MYO18B: variants seen among roughly 807,000 people sequenced by gnomAD.
The protein encoded by MYO18B is myosin XVIIIB.
MYO18B carries 204 observed loss-of-function variants against 273.0 expected under a neutral mutation model. The ratio of observed to expected loss-of-function variants is 0.75; its 90% CI spans 0.67 to 0.84. The LOEUF is 0.84. Ranked by LOEUF, MYO18B falls within the 40% of genes least tolerant of loss-of-function variation. The pLI is 0.00. For synonymous variants in MYO18B, 1,330 were observed against 1,305.7 expected, an observed-to-expected ratio of 1.02 and a Z score of -0.40; for missense variants, 3,212 against 3,287.6, an observed-to-expected ratio of 0.98 and a Z score of 0.56.
the MYO18B span, among the ~76,000 whole-genome samples, chr22:26,045,053 T>G: frequency 6.6e-6 from 1 of 151,780 alleles, no homozygotes; most frequent in African/African-American, 2.4e-5. Flanking sequence ...GTGACTGTTT[T>G]TTTTTGTTTT....
At chr22:25,770,225 C>A in intron 5 of MYO18B, 49 bp downstream of exon 5, 1 of 1,562,870 alleles carries the variant, frequency 6.4e-7, no homozygotes, top group Non-Finnish European at 8.8e-7. Context: ...TTCTCCTGTG[C>A]CCCCTACTGC....
chr22:26,026,867 A>AGG lies in MYO18B; in HGVS notation c.6895_6896dup (p.Asn2300GlufsTer5), dbSNP rs1177091005. On this transcript the variant is annotated frameshift_variant, in exon 43 of 44. Coordinates refer to ENST00000335473, the MANE Select transcript of MYO18B (RefSeq NM_032608.7). LOFTEE classifies it high-confidence loss of function. ...AGGAGGGGCAGGGCTGGCAGTGACG[A>AGG]GGGAAACCTCTCGCTGAGGGTTGGG... 1.9e-6 allele frequency: 3 copies of AGG among 1,596,550 alleles called. No homozygotes were observed. The highest frequency in any genetic ancestry group is 2.6e-6 in the Non-Finnish European group (3 of 1,171,208).
chr22:25,915,312 A>C (rs2092243804), intron 33 of MYO18B, among the ~76,000 whole-genome samples: 2 of 152,278 alleles, frequency 1.3e-5, no homozygotes, highest in Admixed American at 6.5e-5. Flanking sequence ...CCTAGAGTGC[A>C]CTCACACAAA....
At chr22:25,962,927 G>C (rs868421605) in intron 39 of MYO18B, among the ~76,000 whole-genome samples, 1 of 152,074 alleles carries the variant, frequency 6.6e-6, no homozygotes, top group African/African-American at 2.4e-5. Context: ...CAGTTACAGG[G>C]ATATAAACAC....
chr22:25,833,807 G>A (rs867925445), intron 16 of MYO18B, among the ~76,000 whole-genome samples: 11 of 152,296 alleles, frequency 7.2e-5, no homozygotes, highest in Middle Eastern at 3.4e-3. Context: ...GTGCCCTGCC[G>A]GTGGCATCTC....
At chr22:25,870,319 C>T (rs2091011029) in intron 22 of MYO18B, among the ~76,000 whole-genome samples, 2 of 152,298 alleles carry the variant, frequency 1.3e-5, no homozygotes, top group Non-Finnish European at 2.9e-5. Flanking sequence ...GATAGCCTAC[C>T]ACGCACCTGG....
the MYO18B span, among the ~76,000 whole-genome samples, chr22:26,050,867 G>T: frequency 6.6e-6 from 1 of 152,194 alleles, no homozygotes; most frequent in African/African-American, 2.4e-5. Flanking sequence ...CAGCGAATAG[G>T]TCCTATTTGT....
intron 21 of MYO18B, among the ~76,000 whole-genome samples, chr22:25,855,227 T>G (rs1164615933): frequency 6.6e-6 from 1 of 152,004 alleles, no homozygotes; most frequent in Non-Finnish European, 1.5e-5. Context: ...TGCATTAGTT[T>G]GCTAAGGATA....
intron 14 of MYO18B, among the ~76,000 whole-genome samples, chr22:25,828,493 T>C (rs2089577239): frequency 6.6e-6 from 1 of 152,036 alleles, no homozygotes; most frequent in South Asian, 2.1e-4. Flanking sequence ...AACTTCTGGG[T>C]GACCTTAAGC....
chr22:25,972,773 T>C (rs9613055), intron 39 of MYO18B, among the ~76,000 whole-genome samples: 10,999 of 152,172 alleles, frequency 0.072, 503 homozygotes, highest in Middle Eastern at 0.18. Context: ...CTGGCCAACA[T>C]GGCGAAACCC....
chr22:25,793,560 G>A (rs2087771319), intron 11 of MYO18B, among the ~76,000 whole-genome samples: 1 of 151,950 alleles, frequency 6.6e-6, no homozygotes, highest in African/African-American at 2.4e-5. Context: ...TTGAAGAAGT[G>A]CAAACTGAGC....
chr22:25,762,866 G>A (rs2086371508), intron 2 of MYO18B, among the ~76,000 whole-genome samples: 1 of 152,256 alleles, frequency 6.6e-6, no homozygotes, highest in Non-Finnish European at 1.5e-5. Context: ...TCCCCTTCTG[G>A]AAACTGGGAA....
intron 10 of MYO18B, among the ~76,000 whole-genome samples, chr22:25,782,668 G>C (rs1488831057): frequency 2.0e-5 from 3 of 152,218 alleles, no homozygotes; most frequent in Non-Finnish European, 4.4e-5. Context: ...TGTGGTTACT[G>C]TGCTCTAACC....
chr22:25,986,579 T>C (rs1437858585), intron 39 of MYO18B, among the ~76,000 whole-genome samples: 2 of 152,244 alleles, frequency 1.3e-5, no homozygotes, highest in Non-Finnish European at 2.9e-5. Context: ...TATCTAAATA[T>C]ATTCACTTAT....
chr22:26,039,737 G>C, the MYO18B span, among the ~76,000 whole-genome samples: 4 of 152,218 alleles, frequency 2.6e-5, no homozygotes, highest in Admixed American at 2.6e-4. Flanking sequence ...CCTGTCACCT[G>C]AGCAGTGTAC....
At chr22:25,922,178 C>G (rs2092357572) in intron 34 of MYO18B, among the ~76,000 whole-genome samples, 1 of 152,150 alleles carries the variant, frequency 6.6e-6, no homozygotes, top group African/African-American at 2.4e-5. Flanking sequence ...CACCCAAAGT[C>G]ACACAGCTTG....
chr22:25,829,314 AGGGGG>A (rs1184736696), intron 15 of MYO18B, among the ~76,000 whole-genome samples: 1 of 147,394 alleles, frequency 6.8e-6, no homozygotes, highest in African/African-American at 2.6e-5. Flanking sequence ...GCATCTGCCC[AGGGGG>A]GGAATGCCCT....
intron 14 of MYO18B, among the ~76,000 whole-genome samples, chr22:25,828,229 C>A (rs2089566666): frequency 6.6e-6 from 1 of 152,088 alleles, no homozygotes; most frequent in Non-Finnish European, 1.5e-5. Flanking sequence ...TTGGGCAACT[C>A]TCCCAAGACA....
At chr22:25,996,795 C>T (rs1037367246) in intron 40 of MYO18B, among the ~76,000 whole-genome samples, 4 of 152,048 alleles carry the variant, frequency 2.6e-5, no homozygotes, top group South Asian at 2.1e-4. Context: ...GATCAAGGCA[C>T]GTTCTAGGAA....
Sources: gnomAD v4.1 joint callset for allele counts (sites outside exome capture counted in the v4.1 genomes callset) on GRCh38, gnomAD v4.1.1 for gene constraint, MANE v1.5 for transcripts, NCBI Gene and HGNC (gene_info 2026-07-23, HGNC 2026-07-21) for gene names.